CPA4: variants seen among roughly 807,000 people sequenced by gnomAD.
The protein encoded by CPA4 is carboxypeptidase A3.
In CPA4, 49 loss-of-function variants were observed where a neutral mutation model predicts 54.7. The ratio of observed to expected loss-of-function variants is 0.90; its 90% confidence interval spans 0.71 to 1.14. The LOEUF is 1.14. Among genes scored for constraint, CPA4 ranks in the 50% most tolerant of loss-of-function variants. The probability of loss-of-function intolerance (pLI) is 0.00; values close to 1 mark genes in which losing one functional copy is unlikely to be tolerated. For synonymous variants in CPA4, 215 were observed against 206.8 expected (o/e 1.04, Z -0.34); for missense variants, 487 against 525.1 (o/e 0.93, Z 0.71).
chr7:130,299,380 C>T lies in CPA4; in HGVS notation c.261C>T (p.Tyr87=), dbSNP rs781257477. Residue 87 remains tyrosine, a synonymous_variant, in exon 3 of 11, where the codon TAC becomes TAT. Transcript: ENST00000222482. ...KSFLRSQGLE[Y]AVTIEDLQAL... ...TCCTGAGATCCCAGGGCTTAGAGTA[C>T]GCAGTGACAATTGAGGACCTGCAGG... The T allele has an allele frequency of 1.5e-5, 25 of 1,614,034 alleles. No individual in the cohort carries two copies. The highest frequency in any genetic ancestry group is 4.5e-5 in the East Asian group (2 of 44,886).
At chr7:130,312,815 C>T (rs1033281520) in intron 10 of CPA4, among the ~76,000 whole-genome samples, 1 of 152,018 alleles carries the variant, frequency 6.6e-6, no homozygotes, top group Non-Finnish European at 1.5e-5. Context: ...GGGAGCTTAT[C>T]GCAGGCTCAG....
Position 130,302,093 on chromosome 7 carries a change from C to T in CPA4, c.384+1179C>T, listed in dbSNP as rs555747340. 2.0e-5 allele frequency among the ~76,000 whole-genome samples: 3 copies of T among 152,338 alleles called. No individual in the cohort carries two copies. In the South Asian group the frequency reaches 6.2e-4, roughly 32 times the overall value. Reference sequence around the variant, plus strand: ...GAGGCGCCCTTTGCAGCCTGGCTTACAGCAATCTTGTCCTCACTGTGACAC... The same window carrying T: ...GAGGCGCCCTTTGCAGCCTGGCTTATAGCAATCTTGTCCTCACTGTGACAC... On this transcript the variant is annotated intron_variant, in intron 4 of 10. Transcript: ENST00000222482.
At chr7:130,298,869 T>G (rs1426864444) in intron 2 of CPA4, 42 bp downstream of exon 2, 2 of 1,182,136 alleles carry the variant, frequency 1.7e-6, no homozygotes, top group Non-Finnish European at 1.3e-6. Flanking sequence ...TTTCTAACTT[T>G]GCTGGGAGAA....
chr7:130,306,372 G>C (rs1793821255), intron 6 of CPA4: 1 of 223,208 alleles, frequency 4.5e-6, no homozygotes. Flanking sequence ...AACAGAGCAA[G>C]ACTCTGTCTT....
chr7:130,310,928 AGCT>A lies in CPA4; in HGVS notation c.940_942del (p.Leu314del). 1 of 1,614,188 alleles carries A rather than the reference AGCT, an allele frequency of 6.2e-7. No individual in the cohort carries two copies. Among genetic ancestry groups the A allele is most frequent in the East Asian group, 2.2e-5 (1 of 44,878 alleles). ...TTCATCGACCTGCACAGCTACTCGC[AGCT>A]GCTGATGTATCCATATGGGTACTCA... On this transcript the variant is annotated inframe_deletion, in exon 9 of 11. Transcript: ENST00000222482. The surrounding 1 kb of genome is among the most constrained non-coding windows in gnomAD (Gnocchi z 4.3).
At chr7:130,306,385 A>C in intron 6 of CPA4, 1 of 214,120 alleles carries the variant, frequency 4.7e-6, no homozygotes, top group Non-Finnish European at 9.2e-6. Context: ...TCTGTCTTAA[A>C]AAAAGAAAGA....
rs1584749699 is a variant in CPA4, at chr7:130,307,392, G to A, written c.702+495G>A. ...CACACCTGTAATCCCAGCACTTTGG[G>A]AGGCCGAGGTGGGCGGATCATGAGG... On this transcript the variant is annotated intron_variant, in intron 7 of 10. Transcript: ENST00000222482. Among the ~76,000 whole-genome samples, 6 of 152,230 alleles carry A rather than the reference G, an allele frequency of 3.9e-5. No individual in the cohort carries two copies. In the East Asian group the frequency reaches 1.2e-3, roughly 29 times the overall value.
intron 10 of CPA4, among the ~76,000 whole-genome samples, chr7:130,316,281 A>C (rs1793985794): frequency 6.6e-6 from 1 of 152,218 alleles, no homozygotes. Flanking sequence ...CAGCTGTGAG[A>C]TAGCCCTGCT....
intron 10 of CPA4, among the ~76,000 whole-genome samples, chr7:130,314,303 G>A (rs185665023): frequency 6.6e-6 from 1 of 152,318 alleles, no homozygotes; most frequent in Admixed American, 6.5e-5. Flanking sequence ...TTAGTTATGG[G>A]CCCTTTAATG....
chr7:130,299,146 C>T, intron 2 of CPA4, 124 bp from the exon 3 acceptor site: 1 of 1,037,750 alleles, frequency 9.6e-7, no homozygotes, highest in South Asian at 1.4e-5. Context: ...GCAAACTTTG[C>T]CCTTGGGCAG....
rs1414650680 is a variant in CPA4 at position 130,306,802 on chromosome 7, C to A, written c.607C>A (p.Gln203Lys). ...WTARKIVSDY[Q>K]RDPAITSILE... ...CTCTGCTTAGATTGTATCTGATTACCAGAGGGATCCAGCTATCACCTCCAT... is the reference window on the plus strand; with the variant it reads ...CTCTGCTTAGATTGTATCTGATTACAAGAGGGATCCAGCTATCACCTCCAT... Residue 203 changes from glutamine (Q) to lysine (K), a missense_variant, in exon 7 of 11, where the codon CAG (glutamine) becomes AAG (lysine). Transcript: ENST00000222482. 6.2e-7 allele frequency: 1 copy of A among 1,602,910 alleles called. No individual in the cohort carries two copies. Among genetic ancestry groups the A allele is most frequent in the Middle Eastern group, 1.7e-4 (1 of 6,036 alleles).
chr7:130,312,092 T>C lies in CPA4; in HGVS notation c.1048T>C (p.Tyr350His). ...TCTGGCTTCTGTGTCGGGCACTGAGTACCAAGTGGGTCCCACCTGCACCAC... is the reference window on the plus strand; with the variant it reads ...TCTGGCTTCTGTGTCGGGCACTGAGCACCAAGTGGGTCCCACCTGCACCAC... ...KALASVSGTE[Y>H]QVGPTCTTVY... The change falls in exon 10 of 11, where the codon TAC becomes CAC. Residue 350 changes from tyrosine (Y) to histidine (H), a missense_variant. Physicochemically the swap from Tyr to His is moderately conservative, Grantham distance 83. Transcript: ENST00000222482. The C allele has an allele frequency of 6.2e-7, 1 of 1,614,006 alleles. No homozygotes were observed. The highest frequency in any genetic ancestry group is 8.5e-7 in the Non-Finnish European group (1 of 1,179,886).
In CPA4 at chr7:130,293,973, G is replaced by C. The variant is rs893355511; in HGVS notation, c.68+725G>C. Among the ~76,000 whole-genome samples, 3 of 152,282 alleles carry C rather than the reference G, an allele frequency of 2.0e-5. No individual in the cohort carries two copies. The South Asian group carries it at 6.2e-4, about 32-fold the overall frequency. On this transcript the variant is annotated intron_variant, in intron 1 of 10. Coordinates refer to ENST00000222482, the MANE Select transcript of CPA4 (RefSeq NM_016352.4). ...TTGCAGGGGAGAGGACATTTGGGTGGTAGGAGAGATAAAAGGGATACCATG... is the reference window on the plus strand; with the variant it reads ...TTGCAGGGGAGAGGACATTTGGGTGCTAGGAGAGATAAAAGGGATACCATG...
rs113758895 is a variant in CPA4, at chr7:130,308,509, C to T, written c.793+112C>T. On this transcript the variant is annotated intron_variant, in intron 8 of 10. Coordinates refer to ENST00000222482, the MANE Select transcript of CPA4 (RefSeq NM_016352.4). ...CGTTTCCACTTTGGTTCCGTTGCTG[C>T]GTCACTGAGAGACTGAGGAGCACTC... is the stretch of plus-strand genomic sequence containing the variant. 4.9e-3 allele frequency: 3,869 copies of T among 791,758 alleles called. 108 individuals carry two copies. The African/African-American group carries it at 0.058, about 12-fold the overall frequency. 49.0% of individuals were successfully genotyped at this position (791,758 alleles called of 1,614,324 possible).
intron 8 of CPA4, 41 bp downstream of exon 8, chr7:130,308,438 G>C (rs1793860214): frequency 6.6e-7 from 1 of 1,521,374 alleles, no homozygotes; most frequent in African/African-American, 1.4e-5. Flanking sequence ...TGCTGTCCCT[G>C]GGCTCGCCTG....
At chr7:130,300,973 C>T in intron 4 of CPA4, 59 bp downstream of exon 4, 2 of 1,053,964 alleles carry the variant, frequency 1.9e-6, no homozygotes, top group Non-Finnish European at 1.5e-6. Context: ...TTTGTAACCT[C>T]TCTCCTTACT....
intron 1 of CPA4, among the ~76,000 whole-genome samples, chr7:130,298,094 T>C (rs1185647344): frequency 6.6e-6 from 1 of 152,070 alleles, no homozygotes. Context: ...ATAGTCAGTT[T>C]CCACCCAAAC....
chr7:130,303,670 C>A (rs1285367921), intron 4 of CPA4, among the ~76,000 whole-genome samples: 1 of 152,024 alleles, frequency 6.6e-6, no homozygotes, highest in Admixed American at 6.6e-5. Flanking sequence ...CACTTGTTGC[C>A]CAGGCTGGAG....
At position 130,306,459 on chromosome 7, in the gene CPA4, T is replaced by C. The variant is rs139242224; in HGVS notation, c.592-328T>C. 3.2e-3 allele frequency among the ~76,000 whole-genome samples: 485 copies of C among 152,310 alleles called. 4 individuals carry two copies. Among genetic ancestry groups the C allele is most frequent in the African/African-American group, 0.011 (452 of 41,582 alleles). On this transcript the variant is annotated intron_variant, in intron 6 of 10. Transcript: ENST00000222482. ...AGGACACATCTTCCTTCCCTCTTCATTGGAGGTTCAAATTCCTAAAAACTA... is the reference window on the plus strand; with the variant it reads ...AGGACACATCTTCCTTCCCTCTTCACTGGAGGTTCAAATTCCTAAAAACTA...
Sources: allele counts gnomAD v4.1 joint callset (sites outside exome capture counted in the v4.1 genomes callset), GRCh38; gene constraint gnomAD v4.1.1; non-coding constraint Gnocchi (gnomAD v3.1); transcripts MANE v1.5; gene names NCBI Gene and HGNC (gene_info 2026-07-23, HGNC 2026-07-21).